Variants in CCND3 observed in about 807,000 individuals in gnomAD.
CCND3 encodes the protein cyclin D3.
In CCND3, 9 loss-of-function variants were observed where a neutral mutation model predicts 28.7. That is an observed-to-expected ratio of 0.31 (90% CI 0.19 to 0.55). The LOEUF (loss-of-function observed/expected upper bound fraction) is 0.55, where lower values mean the gene tolerates loss of function less well. CCND3 is among the 20% of genes least tolerant of loss of function. The probability of loss-of-function intolerance (pLI) is 0.93; values close to 1 mark genes in which losing one functional copy is unlikely to be tolerated. For synonymous variants in CCND3, 164 were observed against 163.9 expected (o/e 1.00, Z 0.00); for missense variants, 315 against 385.8 (o/e 0.82, Z 1.54).
chr6:41,964,464 GTGTGTGTGTGAGTGTGTGTGAA>G (rs906674586), intron 1 of CCND3, among the ~76,000 whole-genome samples: 1 of 18,120 alleles, frequency 5.5e-5, no homozygotes, highest in African/African-American at 8.8e-5. Context: ...CTGTGTGTGA[GTGTGTGTGTGAGTGTGTGTGAA>G]TGTGTGTGTG....
chr6:41,973,212 C>T (rs1435748304), intron 1 of CCND3, among the ~76,000 whole-genome samples: 1 of 152,194 alleles, frequency 6.6e-6, no homozygotes, highest in African/African-American at 2.4e-5. Context: ...AACACCCGCA[C>T]AATTCCTAAT....
chr6:41,940,113 C>G (rs1428230178), intron 2 of CCND3, among the ~76,000 whole-genome samples: 1 of 152,128 alleles, frequency 6.6e-6, no homozygotes, highest in Non-Finnish European at 1.5e-5. Context: ...GGGGGAAAGA[C>G]CAGGAAGGAG....
chr6:41,953,098 C>T (rs572480036), intron 1 of CCND3, among the ~76,000 whole-genome samples: 1 of 152,014 alleles, frequency 6.6e-6, no homozygotes, highest in African/African-American at 2.4e-5. Context: ...ATGGTGAAAC[C>T]CTGTCTCTAC....
intron 1 of CCND3, among the ~76,000 whole-genome samples, chr6:42,020,284 AAAAAAAGAAAAG>A (rs1582170976): frequency 1.3e-5 from 2 of 152,158 alleles, no homozygotes; most frequent in African/African-American, 4.8e-5. Context: ...TCTGTCTCAA[AAAAAAAGAAAAG>A]AAAAAAGAAA....
intron 1 of CCND3, among the ~76,000 whole-genome samples, chr6:41,996,676 T>TG (rs1298063201): frequency 6.6e-6 from 1 of 151,436 alleles, no homozygotes; most frequent in Non-Finnish European, 1.5e-5. Context: ...TTACCTTTTT[T>TG]TTTTTTTGAG....
Position 41,938,999 on chromosome 6 carries a change from C to T in CCND3, c.414+1371G>A, listed in dbSNP as rs1467255233. Among the ~76,000 whole-genome samples the T allele has an allele frequency of 6.6e-6, 1 of 152,170 alleles. No homozygotes were observed. Among genetic ancestry groups the T allele is most frequent in the Non-Finnish European group, 1.5e-5 (1 of 68,024 alleles). On this transcript the variant is annotated intron_variant, in intron 2 of 4. Coordinates refer to ENST00000372991, the MANE Select transcript of CCND3 (RefSeq NM_001760.5). The surrounding 1 kb of genome is among the most constrained non-coding windows in gnomAD (Gnocchi z 4.6). ...AAACCCTCATACGTGGGCACACAAACCACCTCCATCTTTTCACAAAAAGGA... is the reference window on the plus strand; with the variant it reads ...AAACCCTCATACGTGGGCACACAAATCACCTCCATCTTTTCACAAAAAGGA...
At position 41,936,816 on chromosome 6, in the gene CCND3, A is replaced by G; in HGVS notation, c.575-121T>C. On this transcript the variant is annotated intron_variant, in intron 3 of 4. Transcript: ENST00000372991. This position sits in a 1 kb window ranked among gnomAD's most constrained non-coding sequence, Gnocchi z 4.4. ...AGTAGAGCAGAGGACATGCTGGAAAACTCCAGCAGTGGGTGGGGCAAGATA... is the reference window on the plus strand; with the variant it reads ...AGTAGAGCAGAGGACATGCTGGAAAGCTCCAGCAGTGGGTGGGGCAAGATA... 2 of 1,008,386 alleles carry G rather than the reference A, an allele frequency of 2.0e-6. No homozygotes were observed. Among genetic ancestry groups the G allele is most frequent in the South Asian group, 3.2e-5 (2 of 61,610 alleles). 62.5% of individuals were successfully genotyped at this position (1,008,386 alleles called of 1,614,324 possible).
At chr6:41,978,054 C>T (rs1020229183) in intron 1 of CCND3, among the ~76,000 whole-genome samples, 1 of 147,784 alleles carries the variant, frequency 6.8e-6, no homozygotes, top group Non-Finnish European at 1.5e-5. Context: ...GACCCTGTCT[C>T]AAAAAAAGAA....
At chr6:42,024,236 T>C (rs1763799627) in intron 1 of CCND3, among the ~76,000 whole-genome samples, 1 of 151,892 alleles carries the variant, frequency 6.6e-6, no homozygotes, top group South Asian at 2.1e-4. Flanking sequence ...ATCCCGTCCC[T>C]ACTAAATATA....
intron 1 of CCND3, among the ~76,000 whole-genome samples, chr6:42,043,430 C>T (rs1171588868): frequency 1.3e-5 from 2 of 152,168 alleles, no homozygotes; most frequent in Admixed American, 1.3e-4. Flanking sequence ...ACTTGGGAGG[C>T]TGAAGCAGGA....
intron 1 of CCND3, among the ~76,000 whole-genome samples, chr6:41,990,927 C>A (rs895552100): frequency 2.4e-4 from 37 of 152,090 alleles, no homozygotes; most frequent in African/African-American, 7.2e-4. Context: ...GTGATCCGCC[C>A]ACCTCAGCCG....
intron 1 of CCND3, among the ~76,000 whole-genome samples, chr6:42,037,320 C>A (rs1278810984): frequency 6.6e-6 from 1 of 151,804 alleles, no homozygotes; most frequent in Non-Finnish European, 1.5e-5. Flanking sequence ...TCACTGCAAC[C>A]TCTGACTCCC....
intron 1 of CCND3, among the ~76,000 whole-genome samples, chr6:42,005,168 A>C (rs1763140305): frequency 6.6e-6 from 1 of 152,134 alleles, no homozygotes; most frequent in Non-Finnish European, 1.5e-5. Context: ...TAAGCAAACC[A>C]AACCCAGCAG....
At chr6:41,941,917 T>G (rs1465541232), upstream of CCND3, 1 of 195,492 alleles carries the variant, frequency 5.1e-6, no homozygotes, top group Non-Finnish European at 1.0e-5. This position sits in a 1 kb window ranked among gnomAD's most constrained non-coding sequence, Gnocchi z 6.1. Context: ...GGCTGAGCGC[T>G]CTCCCCTCCC....
At chr6:42,005,566 A>G (rs13205938) in intron 1 of CCND3, among the ~76,000 whole-genome samples, 1 of 127,664 alleles carries the variant, frequency 7.8e-6, no homozygotes, top group African/African-American at 3.0e-5. Flanking sequence ...AAAAAAAAAA[A>G]GAATTAATGT....
Position 41,938,897 on chromosome 6 carries a change from T to A in CCND3, c.414+1473A>T, listed in dbSNP as rs1775897984. Among the ~76,000 whole-genome samples, 4 of 152,018 alleles carry A rather than the reference T, an allele frequency of 2.6e-5. No individual in the cohort carries two copies. The highest frequency in any genetic ancestry group is 2.6e-4 in the Admixed American group (4 of 15,266). ...GAGTTCTCAGAGGTCCCTTCCAACC[T>A]TGACCTTCTAGGAAGTCTTTTGGGC... is the stretch of plus-strand genomic sequence containing the variant. On this transcript the variant is annotated intron_variant, in intron 2 of 4. Transcript: ENST00000372991. The surrounding 1 kb of genome is among the most constrained non-coding windows in gnomAD (Gnocchi z 4.6).
intron 1 of CCND3, among the ~76,000 whole-genome samples, chr6:42,036,632 G>A (rs1764227924): frequency 6.6e-6 from 1 of 150,750 alleles, no homozygotes; most frequent in Non-Finnish European, 1.5e-5. Context: ...TCCAACTCCT[G>A]GGCTCAAGTT....
chr6:42,033,866 T>C (rs1031880483), intron 1 of CCND3, among the ~76,000 whole-genome samples: 4 of 148,284 alleles, frequency 2.7e-5, no homozygotes, highest in Admixed American at 1.3e-4. Context: ...AAAAAAAAAA[T>C]TAAAACATTT....
intron 1 of CCND3, among the ~76,000 whole-genome samples, chr6:41,956,058 C>T (rs980204255): frequency 3.9e-5 from 6 of 152,058 alleles, no homozygotes; most frequent in Non-Finnish European, 5.9e-5. Context: ...TTTTGGAAGG[C>T]GGAGGTGGGT....
Sources: gnomAD v4.1 joint callset for allele counts (sites outside exome capture counted in the v4.1 genomes callset) on GRCh38, gnomAD v4.1.1 for gene constraint, Gnocchi (gnomAD v3.1) non-coding constraint, MANE v1.5 for transcripts, NCBI Gene and HGNC (gene_info 2026-07-23, HGNC 2026-07-21) for gene names.